The following ABCA10 variants were observed in gnomAD, a reference collection of about 807,000 sequenced individuals.
The protein encoded by ABCA10 is ATP-binding cassette sub-family A member 10.
In ABCA10, 169 loss-of-function variants were observed where a neutral mutation model predicts 187.5. The ratio of observed to expected loss-of-function variants is 0.90; its 90% CI spans 0.80 to 1.02. The LOEUF (loss-of-function observed/expected upper bound fraction) is 1.02. ABCA10 is among the 50% of genes least tolerant of loss of function. The pLI, the probability that ABCA10 is intolerant of heterozygous loss-of-function variation, is 0.00. For missense variants in ABCA10, 1,727 were observed against 1,812.4 expected, an observed-to-expected ratio of 0.95 and a Z score of 0.86; for synonymous variants, 574 against 601.8, an observed-to-expected ratio of 0.95 and a Z score of 0.68.
intron 9 of ABCA10, among the ~76,000 whole-genome samples, chr17:69,204,328 G>T (rs1324380920): frequency 6.6e-6 from 1 of 151,938 alleles, no homozygotes; most frequent in African/African-American, 2.4e-5. Context: ...TGTCAAATAG[G>T]AAAGGATATA....
In ABCA10 at chr17:69,185,492, T is replaced by C. The variant is rs1452128746; in HGVS notation, c.2482A>G (p.Ile828Val). The C allele has an allele frequency of 6.2e-7, 1 of 1,612,766 alleles. No homozygotes were observed. The highest frequency in any genetic ancestry group is 8.5e-7 in the Non-Finnish European group (1 of 1,179,406). The change falls in exon 20 of 39, where the codon ATC becomes GTC. Residue 828 changes from isoleucine (I) to valine (V), a missense_variant. Coordinates refer to ENST00000690296, the MANE Select transcript of ABCA10 (RefSeq NM_001377321.1). ...CATTTCTCACCTGTATTATTAACGATTAACAGGCTGGTAAGAGGCGTCTTC... is the reference window on the plus strand; with the variant it reads ...CATTTCTCACCTGTATTATTAACGACTAACAGGCTGGTAAGAGGCGTCTTC... ...IPKTPLTSLL[I>V]VNNTGSNIED... is the part of the protein sequence containing the mutation.
intron 36 of ABCA10, among the ~76,000 whole-genome samples, chr17:69,151,396 A>C (rs556993677): frequency 6.6e-6 from 1 of 152,198 alleles, no homozygotes; most frequent in Non-Finnish European, 1.5e-5. Flanking sequence ...TTGACTATTC[A>C]ATACACAGCC....
intron 10 of ABCA10, 73 bp from the exon 11 acceptor site, chr17:69,197,195 T>G: frequency 1.6e-6 from 2 of 1,227,426 alleles, no homozygotes; most frequent in African/African-American, 1.5e-5. Context: ...AGTTCATAAC[T>G]AAGCCTGAAC....
chr17:69,194,451 C>G lies in ABCA10; in HGVS notation c.1279G>C (p.Gly427Arg). ...IYEGQITAIL[G>R]HNGAGKSTLL... Reference sequence around the variant, plus strand: ...GTTGATTTACCAGCTCCATTATGCCCAAGTATTGCAGTGATCTGTCCTTCA... The same window carrying G: ...GTTGATTTACCAGCTCCATTATGCCGAAGTATTGCAGTGATCTGTCCTTCA... Residue 427 changes from glycine (G) to arginine (R), a missense_variant, in exon 12 of 39, where the codon GGG becomes CGG. Transcript: ENST00000690296. 1 of 1,613,016 alleles carries G rather than the reference C, an allele frequency of 6.2e-7. No homozygotes were observed.
intron 25 of ABCA10, among the ~76,000 whole-genome samples, chr17:69,168,442 T>C (rs750066564): frequency 4.6e-5 from 7 of 152,128 alleles, no homozygotes; most frequent in Admixed American, 4.6e-4. Flanking sequence ...ATCTGGCACA[T>C]AGGAAGATAC....
At chr17:69,152,799 T>C (rs1408321817) in intron 34 of ABCA10, among the ~76,000 whole-genome samples, 1 of 91,172 alleles carries the variant, frequency 1.1e-5, no homozygotes, top group Non-Finnish European at 2.7e-5. Context: ...GTAATACAAT[T>C]AAGTAAATAA....
rs1238082223 is a variant in ABCA10, at chr17:69,219,774, A to G, written c.304-3T>C. The stretch of plus-strand genomic sequence containing the variant: ...ATTACAGAATGATTTGTTGTGACCT[A>G]AATTGGGACATTAGCAAATTTATTA... On this transcript the variant is annotated splice_region_variant and splice_polypyrimidine_tract_variant and intron_variant, in intron 5 of 38. Transcript: ENST00000690296. The G allele has an allele frequency of 3.2e-6, 5 of 1,539,678 alleles. No homozygotes were observed. The South Asian group carries it at 3.9e-5, about 12-fold the overall frequency.
intron 1 of ABCA10, among the ~76,000 whole-genome samples, chr17:69,238,913 G>A (rs9894965): frequency 0.089 from 13,533 of 152,228 alleles, 642 homozygotes; most frequent in Non-Finnish European, 0.097. Flanking sequence ...GTACTCCATT[G>A]ATGATCCATT....
At chr17:69,163,548 C>T (rs1167394399) in intron 27 of ABCA10, among the ~76,000 whole-genome samples, 1 of 152,098 alleles carries the variant, frequency 6.6e-6, no homozygotes, top group Non-Finnish European at 1.5e-5. Context: ...TAAATCAAAA[C>T]AAATTTAGAG....
chr17:69,183,975 G>C (rs1568059621), intron 20 of ABCA10, among the ~76,000 whole-genome samples: 1 of 152,130 alleles, frequency 6.6e-6, no homozygotes, highest in Non-Finnish European at 1.5e-5. Flanking sequence ...GTAGCATGGG[G>C]TGAGTTCTCA....
At chr17:69,196,848 C>CA (rs1309392091) in intron 11 of ABCA10, among the ~76,000 whole-genome samples, 5 of 152,072 alleles carry the variant, frequency 3.3e-5, no homozygotes, top group South Asian at 2.1e-4. Flanking sequence ...CCGTCTCCAC[C>CA]AAAAAAATAC....
At chr17:69,210,194 T>G (rs2074629614) in intron 9 of ABCA10, among the ~76,000 whole-genome samples, 2 of 115,138 alleles carry the variant, frequency 1.7e-5, no homozygotes, top group South Asian at 5.7e-4. Context: ...TTTTTTTTTT[T>G]TTTTTTGAGA....
intron 25 of ABCA10, among the ~76,000 whole-genome samples, chr17:69,167,223 G>C (rs1487059873): frequency 6.6e-6 from 1 of 152,130 alleles, no homozygotes; most frequent in Non-Finnish European, 1.5e-5. Context: ...CGGTCTGCTT[G>C]CTCCCAAACA....
At chr17:69,164,514 T>TC (rs1235649109) in intron 26 of ABCA10, among the ~76,000 whole-genome samples, 1 of 152,130 alleles carries the variant, frequency 6.6e-6, no homozygotes, top group African/African-American at 2.4e-5. Context: ...ATGTTTTCTT[T>TC]CCCTCACTCA....
intron 27 of ABCA10, among the ~76,000 whole-genome samples, chr17:69,157,705 G>T (rs2074184993): frequency 6.6e-6 from 1 of 152,060 alleles, no homozygotes; most frequent in Non-Finnish European, 1.5e-5. Context: ...ATGAATAGAA[G>T]TAGCTCTGAA....
At chr17:69,194,583 GCATTT>G in intron 11 of ABCA10, 88 bp from the exon 12 acceptor site, 2 of 792,598 alleles carry the variant, frequency 2.5e-6, no homozygotes, top group Non-Finnish European at 4.0e-6. Context: ...ATATATCTCA[GCATTT>G]CATTTCATTG....
At chr17:69,167,668 A>T (rs941626195) in intron 25 of ABCA10, among the ~76,000 whole-genome samples, 9 of 152,254 alleles carry the variant, frequency 5.9e-5, no homozygotes, top group Non-Finnish European at 1.2e-4. Context: ...ATGAGAAAGA[A>T]GATGTAGAAG....
chr17:69,164,815 T>C (rs1210884633), intron 26 of ABCA10, 149 bp downstream of exon 26: 1 of 1,085,436 alleles, frequency 9.2e-7, no homozygotes, highest in East Asian at 2.5e-5. Context: ...AGCTTTCAAT[T>C]TTATACAGCT....
At position 69,167,856 on chromosome 17, in the gene ABCA10, A is replaced by G. The variant is rs373259351; in HGVS notation, c.3163-2773T>C. ...GGAGATATTTTTGGAGAAATAAAAAAGCAAAAAGTAAGACAGAAATTATAA... is the reference window on the plus strand; with the variant it reads ...GGAGATATTTTTGGAGAAATAAAAAGGCAAAAAGTAAGACAGAAATTATAA... On this transcript the variant is annotated intron_variant, in intron 25 of 38. Transcript: ENST00000690296. 1.1e-3 allele frequency among the ~76,000 whole-genome samples: 168 copies of G among 152,258 alleles called. 1 individual carries two copies. The highest frequency in any genetic ancestry group is 3.9e-3 in the African/African-American group (161 of 41,516).
Sources: gnomAD v4.1 joint callset for allele counts (sites outside exome capture counted in the v4.1 genomes callset) on GRCh38, gnomAD v4.1.1 for gene constraint, MANE v1.5 for transcripts, NCBI Gene and HGNC (gene_info 2026-07-23, HGNC 2026-07-21) for gene names.